Variants in CREB5 observed in about 807,000 individuals in gnomAD.
CREB5 encodes the protein cAMP responsive element binding protein 5, also known as cyclic AMP-responsive element-binding protein 5.
Under a neutral mutation model 57.1 loss-of-function variants are expected in CREB5, and 19 were observed. The ratio of observed to expected loss-of-function variants is 0.33; its 90% CI spans 0.23 to 0.49. The LOEUF (loss-of-function observed/expected upper bound fraction) is 0.49, where lower values mean the gene tolerates loss of function less well. Ranked by LOEUF, CREB5 falls within the 20% of genes least tolerant of loss-of-function variation. The probability of loss-of-function intolerance (pLI) is 0.99; values close to 1 mark genes in which losing one functional copy is unlikely to be tolerated. For missense variants in CREB5, 579 were observed against 671.6 expected (o/e 0.86, Z 1.52); for synonymous variants, 238 against 238.3 (o/e 1.00, Z 0.01).
At chr7:28,532,124 T>C (rs929428044) in intron 4 of CREB5, among the ~76,000 whole-genome samples, 2 of 151,374 alleles carry the variant, frequency 1.3e-5, no homozygotes, top group African/African-American at 4.9e-5. Flanking sequence ...TCTGTAGGGG[T>C]TGGGGAAGCC....
At chr7:28,595,126 A>C (rs1411319226) in intron 5 of CREB5, among the ~76,000 whole-genome samples, 1 of 152,160 alleles carries the variant, frequency 6.6e-6, no homozygotes, top group Admixed American at 6.5e-5. Context: ...TCTTAAAGCT[A>C]GGGTGAGCTT....
At chr7:28,511,051 A>T (rs111742912) in intron 4 of CREB5, among the ~76,000 whole-genome samples, 151 of 152,248 alleles carry the variant, frequency 9.9e-4, no homozygotes, top group African/African-American at 3.5e-3. Context: ...AATAAAGATG[A>T]TAAAAAACAA....
chr7:28,792,951 C>T (rs1474307139), intron 7 of CREB5, among the ~76,000 whole-genome samples: 1 of 152,124 alleles, frequency 6.6e-6, no homozygotes. Context: ...AGGCAGACCT[C>T]CTCTTTAGCA....
intron 9 of CREB5, among the ~76,000 whole-genome samples, chr7:28,817,259 C>T (rs1158500520): frequency 6.6e-6 from 1 of 152,172 alleles, no homozygotes; most frequent in Non-Finnish European, 1.5e-5. Context: ...CTGACATCAT[C>T]CACCTGCAGC....
rs981472103 is a variant in CREB5 at position 28,507,502 on chromosome 7, G to A, written c.170-114G>A. ...ATTTAAAGGGCCAAGAGACTGGATG[G>A]CTAGTGGACATTTTAATTAAGGCAA... is the stretch of plus-strand genomic sequence containing the variant. On this transcript the variant is annotated intron_variant, in intron 3 of 10. Coordinates refer to ENST00000357727, the MANE Select transcript of CREB5 (RefSeq NM_182898.4). The A allele has an allele frequency of 3.2e-6, 4 of 1,237,672 alleles. No individual in the cohort carries two copies. The Admixed American group carries it at 7.0e-5, about 22-fold the overall frequency. 76.7% of individuals were successfully genotyped at this position (1,237,672 alleles called of 1,614,324 possible).
intron 1 of CREB5, among the ~76,000 whole-genome samples, chr7:28,362,679 A>G (rs772222086): frequency 3.5e-4 from 53 of 152,236 alleles, no homozygotes; most frequent in Non-Finnish European, 1.0e-4. Flanking sequence ...ATTAATAGGT[A>G]TTTGTAAAAT....
chr7:28,738,168 G>A (rs915274384), intron 7 of CREB5, among the ~76,000 whole-genome samples: 16 of 152,100 alleles, frequency 1.1e-4, no homozygotes, highest in African/African-American at 3.4e-4. Flanking sequence ...AAATTACTTT[G>A]AATTATCCAA....
chr7:28,315,940 AAGGAGAC>A (rs1277079304), intron 1 of CREB5, among the ~76,000 whole-genome samples: 1 of 152,190 alleles, frequency 6.6e-6, no homozygotes, highest in Non-Finnish European at 1.5e-5. Flanking sequence ...TGTGATTTTC[AAGGAGAC>A]AGGTCCTGGT....
At chr7:28,658,955 A>ATATATATATATATATATATATATATATG (rs1554281547) in intron 5 of CREB5, among the ~76,000 whole-genome samples, 1 of 47,544 alleles carries the variant, frequency 2.1e-5, no homozygotes, top group African/African-American at 1.1e-4. Context: ...GTGTGTGTGT[A>ATATATATATATATATATATATATATATG]TATATATATA....
intron 1 of CREB5, among the ~76,000 whole-genome samples, chr7:28,448,888 G>A (rs1789637872): frequency 6.6e-6 from 1 of 152,230 alleles, no homozygotes; most frequent in Admixed American, 6.5e-5. Flanking sequence ...CACACTGCTG[G>A]GAGCAGCACC....
rs1045196796 is a variant in CREB5, at chr7:28,641,282, AC to A, written c.464+70752del. 8.6e-5 allele frequency among the ~76,000 whole-genome samples: 13 copies of A among 151,892 alleles called. 1 individual carries two copies. Among genetic ancestry groups the A allele is most frequent in the East Asian group, 3.9e-4 (2 of 5,184 alleles). On this transcript the variant is annotated intron_variant, in intron 5 of 10. Coordinates refer to ENST00000357727, the MANE Select transcript of CREB5 (RefSeq NM_182898.4). ...GGTATGCAGGGTCATGACAAGGACCACCCCCCCATCGGGTGATGGCTGAAGG... is the reference window on the plus strand; with the variant it reads ...GGTATGCAGGGTCATGACAAGGACCACCCCCCATCGGGTGATGGCTGAAGG...
chr7:28,688,621 C>T (rs879660393), intron 5 of CREB5, among the ~76,000 whole-genome samples: 48 of 152,042 alleles, frequency 3.2e-4, no homozygotes, highest in Non-Finnish European at 6.0e-4. Context: ...GGGTAGTAGC[C>T]TTATTATAAA....
rs949556338 is a variant in CREB5, at chr7:28,822,348, A to G, written c.*3069A>G. On this transcript the variant is annotated 3_prime_UTR_variant, in exon 11 of 11. Coordinates refer to ENST00000357727, the MANE Select transcript of CREB5 (RefSeq NM_182898.4). ...TCTTTTACCTAAAGGCCCAGCCGTCACCAGACAACAGAATAATCAATCTGC... is the reference window on the plus strand; with the variant it reads ...TCTTTTACCTAAAGGCCCAGCCGTCGCCAGACAACAGAATAATCAATCTGC... 6.6e-6 allele frequency: 1 copy of G among 152,640 alleles called. No individual in the cohort carries two copies. Among genetic ancestry groups the G allele is most frequent in the Non-Finnish European group, 1.5e-5 (1 of 68,050 alleles). 9.5% of individuals were successfully genotyped at this position (152,640 alleles called of 1,614,324 possible). A position where few individuals can be genotyped will look rare whatever the true frequency, so the allele number is the denominator to read the frequency against.
intron 4 of CREB5, among the ~76,000 whole-genome samples, chr7:28,536,394 G>A (rs1175930653): frequency 6.6e-6 from 1 of 152,156 alleles, no homozygotes; most frequent in Non-Finnish European, 1.5e-5. Context: ...TGTCCTTGCT[G>A]CCTGCTTGCC....
At chr7:28,808,374 G>T (rs1387086941) in intron 8 of CREB5, among the ~76,000 whole-genome samples, 2 of 152,176 alleles carry the variant, frequency 1.3e-5, no homozygotes, top group African/African-American at 4.8e-5. Flanking sequence ...TGTCCCAGAG[G>T]TATGTTAGGA....
chr7:28,722,633 G>C (rs941565173), intron 6 of CREB5, among the ~76,000 whole-genome samples: 2 of 152,134 alleles, frequency 1.3e-5, no homozygotes, highest in African/African-American at 4.8e-5. Flanking sequence ...CAGAGATTTA[G>C]GGGGGTGCGT....
At chr7:28,654,119 GAAAAC>G (rs2128708232) in intron 5 of CREB5, among the ~76,000 whole-genome samples, 1 of 152,240 alleles carries the variant, frequency 6.6e-6, no homozygotes, top group East Asian at 1.9e-4. Context: ...GACCTCTAAT[GAAAAC>G]ATTGATTTAT....
intron 5 of CREB5, among the ~76,000 whole-genome samples, chr7:28,650,926 G>A (rs916558617): frequency 1.8e-4 from 27 of 152,132 alleles, no homozygotes; most frequent in Admixed American, 1.6e-3. Flanking sequence ...GATGGCAGGG[G>A]TCTGTGCCCT....
intron 1 of CREB5, among the ~76,000 whole-genome samples, chr7:28,414,867 T>C (rs1787965366): frequency 6.6e-6 from 1 of 152,118 alleles, no homozygotes; most frequent in Non-Finnish European, 1.5e-5. Flanking sequence ...ACTAAAATTT[T>C]TGAAGCTCTT....
Sources: gnomAD v4.1 joint callset for allele counts (sites outside exome capture counted in the v4.1 genomes callset) on GRCh38, gnomAD v4.1.1 for gene constraint, MANE v1.5 for transcripts, NCBI Gene and HGNC (gene_info 2026-07-23, HGNC 2026-07-21) for gene names.